Variants in CDH11 observed in about 807,000 individuals in gnomAD.
CDH11 encodes cadherin 11, also known as cadherin-11.
A neutral mutation model predicts 67.8 loss-of-function variants in CDH11; 11 were observed. That is an observed-to-expected ratio of 0.16 (90% CI 0.10 to 0.27). The LOEUF (loss-of-function observed/expected upper bound fraction) is 0.27. CDH11 is among the 10% of genes least tolerant of loss of function. The probability of loss-of-function intolerance (pLI) is 1.00; values close to 1 mark genes in which losing one functional copy is unlikely to be tolerated. For synonymous variants in CDH11, 419 were observed against 400.0 expected, an observed-to-expected ratio of 1.05 and a Z score of -0.57; for missense variants, 847 against 1,031.2, an observed-to-expected ratio of 0.82 and a Z score of 2.45.
chr16:64,966,217 C>T (rs1216600361), intron 11 of CDH11, among the ~76,000 whole-genome samples: 1 of 151,776 alleles, frequency 6.6e-6, no homozygotes, highest in Non-Finnish European at 1.5e-5. Context: ...CAATGACTTC[C>T]TGAGGGTAAT....
At chr16:64,976,804 C>T (rs537411315) in intron 8 of CDH11, among the ~76,000 whole-genome samples, 36 of 152,168 alleles carry the variant, frequency 2.4e-4, no homozygotes, top group African/African-American at 6.7e-4. Context: ...GCTGGGATCA[C>T]GCCACTGCAC....
chr16:65,021,569 C>CACATATATATATAT (rs4048808), intron 2 of CDH11, among the ~76,000 whole-genome samples: 45 of 139,032 alleles, frequency 3.2e-4, no homozygotes, highest in African/African-American at 6.0e-4. Context: ...CACACACACA[C>CACATATATATATAT]ATATATATAT....
intron 2 of CDH11, among the ~76,000 whole-genome samples, chr16:65,022,954 T>C (rs568235212): frequency 4.1e-4 from 63 of 152,296 alleles, no homozygotes; most frequent in African/African-American, 1.3e-3. Flanking sequence ...TACAGCCAAA[T>C]GACCTTCCTT....
At chr16:65,059,344 A>G (rs73581621) in intron 1 of CDH11, among the ~76,000 whole-genome samples, 1 of 152,218 alleles carries the variant, frequency 6.6e-6, no homozygotes, top group African/African-American at 2.4e-5. Flanking sequence ...GATTTGACAC[A>G]GTGGCCTTTT....
intron 12 of CDH11, among the ~76,000 whole-genome samples, chr16:64,949,277 T>C (rs1476368620): frequency 2.6e-5 from 4 of 152,176 alleles, no homozygotes; most frequent in Admixed American, 6.5e-5. Flanking sequence ...TTTTTAGGGC[T>C]TTTGTATTTT....
intron 1 of CDH11, among the ~76,000 whole-genome samples, chr16:65,109,267 T>G (rs1487787831): frequency 3.9e-5 from 6 of 152,232 alleles, no homozygotes; most frequent in Non-Finnish European, 5.9e-5. Flanking sequence ...GAGGTTGTAC[T>G]CTCTGACCCA....
At chr16:65,109,825 G>C (rs779280648) in intron 1 of CDH11, among the ~76,000 whole-genome samples, 2 of 152,128 alleles carry the variant, frequency 1.3e-5, no homozygotes, top group Non-Finnish European at 2.9e-5. Flanking sequence ...CTTCTACCCA[G>C]GTCCTGACAC....
chr16:65,109,429 CT>C (rs1167003985), intron 1 of CDH11, among the ~76,000 whole-genome samples: 12 of 152,292 alleles, frequency 7.9e-5, no homozygotes, highest in Admixed American at 2.6e-4. Context: ...AAGTTTTTAA[CT>C]GTGTGTCCTT....
Position 64,993,014 on chromosome 16 carries a change from T to C in CDH11, c.544A>G (p.Thr182Ala). Residue 182 changes from threonine to alanine, a missense_variant, in exon 5 of 13, where the codon ACA (threonine) becomes GCA (alanine). Physicochemically the swap from Thr to Ala is moderately conservative, Grantham distance 58. Around this residue, in one of 2 missense-constraint regions of CDH11, gnomAD observed 235 missense variants for 352.5 expected, o/e 0.67. Coordinates refer to ENST00000268603, the MANE Select transcript of CDH11 (RefSeq NM_001797.4). Reference protein sequence around the residue: ...SNVGTSVIQVTASDADDPTYG... With the variant: ...SNVGTSVIQVAASDADDPTYG... ...GTGGGGTCATCTGCATCTGAAGCTG[T>C]CACCTGGATTACTGACGTTCCTTAA... The C allele has an allele frequency of 1.2e-6, 2 of 1,611,196 alleles. No individual in the cohort carries two copies. Among genetic ancestry groups the C allele is most frequent in the South Asian group, 1.1e-5 (1 of 91,010 alleles).
intron 2 of CDH11, among the ~76,000 whole-genome samples, chr16:65,016,975 G>A (rs953231782): frequency 1.3e-5 from 2 of 152,160 alleles, no homozygotes; most frequent in African/African-American, 4.8e-5. Context: ...TTTGTAAACT[G>A]TTGTGGCACT....
At chr16:65,040,810 A>G (rs560450284) in intron 2 of CDH11, among the ~76,000 whole-genome samples, 1 of 152,324 alleles carries the variant, frequency 6.6e-6, no homozygotes, top group South Asian at 2.1e-4. Flanking sequence ...CTTTTTATTG[A>G]CATGTAATAT....
At chr16:65,036,714 A>AC (rs935665350) in intron 2 of CDH11, among the ~76,000 whole-genome samples, 5 of 151,526 alleles carry the variant, frequency 3.3e-5, no homozygotes, top group South Asian at 2.1e-4. Flanking sequence ...CAAAATGCAG[A>AC]CCCCCCTCAA....
intron 7 of CDH11, 180 bp from the exon 8 acceptor site, chr16:64,982,481 T>C: frequency 1.7e-6 from 1 of 598,786 alleles, no homozygotes; most frequent in Non-Finnish European, 2.9e-6. Flanking sequence ...TGCTGAAACC[T>C]AGAATGTGCT....
chr16:65,120,372 A>G (rs1297348339), intron 1 of CDH11, among the ~76,000 whole-genome samples: 1 of 152,192 alleles, frequency 6.6e-6, no homozygotes, highest in African/African-American at 2.4e-5. Context: ...AGCCCAAGTG[A>G]TGAGGAAATT....
intron 1 of CDH11, among the ~76,000 whole-genome samples, chr16:65,103,651 T>C (rs1202949095): frequency 1.3e-5 from 2 of 152,188 alleles, no homozygotes; most frequent in Non-Finnish European, 2.9e-5. Flanking sequence ...TTTTAAAAAC[T>C]GTGTATAAAT....
At chr16:64,985,392 G>C (rs568859088) in intron 7 of CDH11, 1 of 151,920 alleles carries the variant, frequency 6.6e-6, no homozygotes, top group Non-Finnish European at 1.5e-5. Context: ...TAACAAGTTT[G>C]TTTGTTGGTT....
chr16:65,108,322 G>A (rs1465919565), intron 1 of CDH11, among the ~76,000 whole-genome samples: 1 of 152,180 alleles, frequency 6.6e-6, no homozygotes, highest in Non-Finnish European at 1.5e-5. Flanking sequence ...CAGGAATGGT[G>A]ATGAATAAAA....
At position 64,972,036 on chromosome 16, in the gene CDH11, T is replaced by C; in HGVS notation, c.1419A>G (p.Pro473=). 4 of 1,613,756 alleles carry C rather than the reference T, an allele frequency of 2.5e-6. No individual in the cohort carries two copies. The highest frequency in any genetic ancestry group is 3.4e-6 in the Non-Finnish European group (4 of 1,179,678). The part of the protein sequence containing the change: ...IHNRHQEAKV[P]VAIRVLDVND... ...TGACATCAAGGACCCTAATGGCCAC[T>C]GGGACTTTGGCTTCCTGATGCCGAT... Residue 473 remains proline (P), a synonymous_variant, in exon 10 of 13, where the codon CCA becomes CCG. Coordinates refer to ENST00000268603, the MANE Select transcript of CDH11 (RefSeq NM_001797.4).
At chr16:64,968,151 T>C (rs965727129) in intron 11 of CDH11, among the ~76,000 whole-genome samples, 9 of 152,182 alleles carry the variant, frequency 5.9e-5, no homozygotes, top group African/African-American at 2.2e-4. Flanking sequence ...TTTGCACTTA[T>C]TGCTGTGTGA....
Sources: allele counts gnomAD v4.1 joint callset (sites outside exome capture counted in the v4.1 genomes callset), GRCh38; gene constraint gnomAD v4.1.1; regional missense constraint gnomAD v4.1.1; transcripts MANE v1.5; gene names NCBI Gene and HGNC (gene_info 2026-07-23, HGNC 2026-07-21).